KMT2C: variants seen among roughly 807,000 people sequenced by gnomAD.
KMT2C encodes the protein histone-lysine N-methyltransferase 2C.
Under a neutral mutation model 507.9 loss-of-function variants are expected in KMT2C, and 88 were observed. The observed-to-expected ratio is 0.17, with a 90% CI of 0.15 to 0.21. The LOEUF is 0.21. Ranked by LOEUF, KMT2C falls within the 10% of genes least tolerant of loss-of-function variation. The pLI, the probability that KMT2C is intolerant of heterozygous loss-of-function variation, is 1.00. For synonymous variants in KMT2C, 2,049 were observed against 2,080.8 expected (o/e 0.98, Z 0.42); for missense variants, 4,954 against 5,957.8 (o/e 0.83, Z 5.55).
intron 1 of KMT2C, among the ~76,000 whole-genome samples, chr7:152,435,025 G>A (rs1232265748): frequency 1.3e-5 from 2 of 152,068 alleles, no homozygotes; most frequent in African/African-American, 2.4e-5. Flanking sequence ...GGGGGAGGGG[G>A]GAGGAAGAAG....
chr7:152,431,327 G>A (rs144740498), intron 1 of KMT2C, among the ~76,000 whole-genome samples: 1,954 of 152,104 alleles, frequency 0.013, 34 homozygotes, highest in African/African-American at 0.043. Flanking sequence ...GGCCAGGTGC[G>A]GTGTTTCATG....
chr7:152,235,223 A>ATATATATATATATATATC (rs930686899), intron 16 of KMT2C, among the ~76,000 whole-genome samples: 2 of 151,370 alleles, frequency 1.3e-5, no homozygotes, highest in African/African-American at 4.9e-5. Context: ...ATATATATAT[A>ATATATATATATATATATC]TCAAAGCTTA....
At chr7:152,188,556 T>C (rs969118794) in intron 31 of KMT2C, among the ~76,000 whole-genome samples, 1 of 150,646 alleles carries the variant, frequency 6.6e-6, no homozygotes, top group African/African-American at 2.4e-5. Flanking sequence ...TTATATTTTA[T>C]TCCTGTTCCT....
intron 6 of KMT2C, among the ~76,000 whole-genome samples, chr7:152,303,262 ATTAATT>A (rs1344371287): frequency 3.9e-5 from 6 of 152,212 alleles, no homozygotes; most frequent in Admixed American, 1.3e-4. Flanking sequence ...CTTTAAATAT[ATTAATT>A]TTAACACAGG....
rs192837695 is a variant in KMT2C at position 152,363,096 on chromosome 7, G to T, written c.162-4421C>A. On this transcript the variant is annotated intron_variant, in intron 1 of 58. Coordinates refer to ENST00000262189, the MANE Select transcript of KMT2C (RefSeq NM_170606.3). ...GGTCATACTCTTCAAAACCCTATCA[G>T]TTGCCAACTTTCATATTTAAACAGC... is the stretch of plus-strand genomic sequence containing the variant. Among the ~76,000 whole-genome samples, 367 of 152,212 alleles carry T rather than the reference G, an allele frequency of 2.4e-3. 1 individual carries two copies. The highest frequency in any genetic ancestry group is 4.2e-3 in the Non-Finnish European group (284 of 68,022).
chr7:152,181,757 G>A lies in KMT2C; in HGVS notation c.6103C>T (p.Pro2035Ser), dbSNP rs1053658283. 1 of 1,614,106 alleles carries A rather than the reference G, an allele frequency of 6.2e-7. No homozygotes were observed. Among genetic ancestry groups the A allele is most frequent in the Admixed American group, 1.7e-5 (1 of 60,022 alleles). The change falls in exon 36 of 59, where the codon CCT (proline) becomes TCT (serine). Residue 2035 changes from proline to serine, a missense_variant. Pro to Ser is a moderately conservative substitution (Grantham distance 74). Transcript: ENST00000262189. ...AAAGGTCCAGGACCACTATCAAGAG[G>A]TGCAGGTGTCAACAAGGGTCGTGCA... is the stretch of plus-strand genomic sequence containing the variant. ...SYARPLLTPA[P>S]LDSGPGPFKT...
rs530118042 is a variant in KMT2C at position 152,144,158 on chromosome 7, C to G, written c.14343+555G>C. Among the ~76,000 whole-genome samples, 2 of 152,190 alleles carry G rather than the reference C, an allele frequency of 1.3e-5. No homozygotes were observed. The highest frequency in any genetic ancestry group is 2.9e-5 in the Non-Finnish European group (2 of 68,008). On this transcript the variant is annotated intron_variant, in intron 55 of 58. Coordinates refer to ENST00000262189, the MANE Select transcript of KMT2C (RefSeq NM_170606.3). The surrounding 1 kb of genome is among the most constrained non-coding windows in gnomAD (Gnocchi z 4.4). ...GCTTTGTAATTCCATTCTGAGACATCCAAGGAGAAAAATGCTGAACAGGCA... is the reference window on the plus strand; with the variant it reads ...GCTTTGTAATTCCATTCTGAGACATGCAAGGAGAAAAATGCTGAACAGGCA...
rs2129092831 is a variant in KMT2C at position 152,144,847 on chromosome 7, A to C, written c.14209T>G (p.Ser4737Ala). ...HTLNSTSTSK[S>A]FQSTVTGELN... ...TCTCCAGTGACTGTGCTCTGAAATGACTTTGAGGTGCTGGTGCTGTTTAAG... is the reference window on the plus strand; with the variant it reads ...TCTCCAGTGACTGTGCTCTGAAATGCCTTTGAGGTGCTGGTGCTGTTTAAG... The change falls in exon 55 of 59, where the codon TCA (serine) becomes GCA (alanine). Residue 4737 changes from serine to alanine, a missense_variant. By Grantham distance (99) the Ser-to-Ala change is moderately conservative (BLOSUM62 1). This residue lies in a region of KMT2C where 133 missense variants were observed against 258.9 expected (regional missense o/e 0.51). Transcript: ENST00000262189. This position sits in a 1 kb window ranked among gnomAD's most constrained non-coding sequence, Gnocchi z 4.4. The C allele has an allele frequency of 6.2e-7, 1 of 1,614,034 alleles. No homozygotes were observed. Among genetic ancestry groups the C allele is most frequent in the Non-Finnish European group, 8.5e-7 (1 of 1,179,914 alleles).
intron 1 of KMT2C, among the ~76,000 whole-genome samples, chr7:152,365,557 C>A (rs969424103): frequency 2.0e-5 from 3 of 151,938 alleles, no homozygotes; most frequent in Non-Finnish European, 4.4e-5. Flanking sequence ...CTCCTTTTTT[C>A]TTTTCTTCTT....
chr7:152,326,416 A>G (rs1373907806), intron 3 of KMT2C, among the ~76,000 whole-genome samples: 1 of 152,122 alleles, frequency 6.6e-6, no homozygotes, highest in Non-Finnish European at 1.5e-5. Flanking sequence ...CTAGTCACAT[A>G]TTATTTTATA....
chr7:152,355,385 A>C (rs1027782771), intron 2 of KMT2C, among the ~76,000 whole-genome samples: 2 of 152,188 alleles, frequency 1.3e-5, no homozygotes, highest in African/African-American at 2.4e-5. Flanking sequence ...GGTTGTGTTC[A>C]AAGCAAGAAA....
chr7:152,282,417 G>A (rs2096234225), intron 6 of KMT2C, among the ~76,000 whole-genome samples: 1 of 151,880 alleles, frequency 6.6e-6, no homozygotes, highest in Admixed American at 6.6e-5. Context: ...AATTCATAAT[G>A]ACCTCAAATT....
chr7:152,328,350 G>T (rs909952397), intron 3 of KMT2C, among the ~76,000 whole-genome samples: 13 of 152,098 alleles, frequency 8.5e-5, no homozygotes, highest in African/African-American at 2.7e-4. Context: ...GCCCTTCAGA[G>T]GAGGCTAGTA....
At chr7:152,390,692 C>T (rs1288684216) in intron 1 of KMT2C, among the ~76,000 whole-genome samples, 3 of 152,086 alleles carry the variant, frequency 2.0e-5, no homozygotes, top group Non-Finnish European at 2.9e-5. Flanking sequence ...AATGAAAGTG[C>T]TGAGACTCAA....
intron 7 of KMT2C, among the ~76,000 whole-genome samples, chr7:152,269,791 G>C (rs2095927050): frequency 6.6e-6 from 1 of 152,114 alleles, no homozygotes; most frequent in Non-Finnish European, 1.5e-5. Context: ...TGAAGTAAAG[G>C]GAGCAAGGTT....
intron 34 of KMT2C, among the ~76,000 whole-genome samples, chr7:152,185,123 A>G (rs1055569782): frequency 6.6e-6 from 1 of 152,198 alleles, no homozygotes; most frequent in African/African-American, 2.4e-5. Context: ...ATGCTATGTA[A>G]ATCGTTGTTA....
intron 16 of KMT2C, among the ~76,000 whole-genome samples, chr7:152,234,984 G>A (rs867468158): frequency 1.3e-5 from 2 of 152,054 alleles, no homozygotes; most frequent in African/African-American, 4.8e-5. Context: ...GTTAACAAAT[G>A]CAACAGCACA....
Position 152,296,997 on chromosome 7 carries a change from A to AAAAGAAAGAAAGAAAGAAAGAAAGAAAG in KMT2C, c.849+12941_849+12968dup, listed in dbSNP as rs61473498. Among the ~76,000 whole-genome samples the AAAAGAAAGAAAGAAAGAAAGAAAGAAAG allele has an allele frequency of 1.6e-3, 92 of 59,006 alleles. 1 individual carries two copies. The highest frequency in any genetic ancestry group is 2.5e-3 in the East Asian group (6 of 2,374). 38.7% of individuals were successfully genotyped at this position (59,006 alleles called of 152,430 possible). The stretch of plus-strand genomic sequence containing the variant: ...ACCACTAAAAAGAAAGAAAGAAAGA[A>AAAAGAAAGAAAGAAAGAAAGAAAGAAAG]AAAGAAAGAAAGAAAGAAAGAAAGA... On this transcript the variant is annotated intron_variant, in intron 6 of 58. Coordinates refer to ENST00000262189, the MANE Select transcript of KMT2C (RefSeq NM_170606.3).
chr7:152,278,022 G>T (rs2096118792), intron 6 of KMT2C, among the ~76,000 whole-genome samples: 1 of 151,922 alleles, frequency 6.6e-6, no homozygotes. Context: ...AAATACTTTG[G>T]ATATTTGTCC....
Sources: allele counts gnomAD v4.1 joint callset (sites outside exome capture counted in the v4.1 genomes callset), GRCh38; gene constraint gnomAD v4.1.1; regional missense constraint gnomAD v4.1.1; non-coding constraint Gnocchi (gnomAD v3.1); transcripts MANE v1.5; gene names NCBI Gene and HGNC (gene_info 2026-07-23, HGNC 2026-07-21).